The following AUH variants were observed in gnomAD, a reference collection of about 807,000 sequenced individuals.
AUH encodes AU RNA binding methylglutaconyl-CoA hydratase.
AUH carries 29 observed loss-of-function variants against 42.3 expected under a neutral mutation model. The observed-to-expected ratio is 0.69, with a 90% CI of 0.51 to 0.93. The LOEUF (loss-of-function observed/expected upper bound fraction) is 0.93, where lower values mean the gene tolerates loss of function less well. Ranked by LOEUF, AUH falls within the 40% of genes least tolerant of loss-of-function variation. The pLI is 0.00. For synonymous variants in AUH, 174 were observed against 166.4 expected, an observed-to-expected ratio of 1.05 and a Z score of -0.35; for missense variants, 452 against 438.1, an observed-to-expected ratio of 1.03 and a Z score of -0.28.
At position 91,214,370 on chromosome 9, in the gene AUH, G is replaced by A. The variant is rs541546111; in HGVS notation, c.998C>T (p.Pro333Leu). ...EGLLAFKEKRPPRYKGE is the reference protein window; with the variant it reads ...EGLLAFKEKRLPRYKGE The stretch of plus-strand genomic sequence containing the variant: ...CTTTTATTCTCCTTTATAGCGAGGG[G>A]GCCTTTTCTCTTTAAAAGCAAGAAG... Residue 333 changes from proline to leucine, a missense_variant, in exon 10 of 10, where the codon CCC becomes CTC. Transcript: ENST00000375731. 4.1e-5 allele frequency: 66 copies of A among 1,610,184 alleles called. No homozygotes were observed. In the South Asian group the frequency reaches 7.2e-4, roughly 17 times the overall value.
At chr9:91,231,669 C>A (rs1263521335) in intron 6 of AUH, among the ~76,000 whole-genome samples, 1 of 152,168 alleles carries the variant, frequency 6.6e-6, no homozygotes, top group African/African-American at 2.4e-5. Flanking sequence ...TTCAGTCTCA[C>A]AAGCAGCCCT....
At chr9:91,343,533 G>A (rs1227791114) in intron 3 of AUH, among the ~76,000 whole-genome samples, 2 of 152,230 alleles carry the variant, frequency 1.3e-5, no homozygotes, top group Admixed American at 6.5e-5. Flanking sequence ...TTGGGAGGCT[G>A]AGGCAGGCGG....
chr9:91,303,226 C>T (rs1827943657), intron 4 of AUH, among the ~76,000 whole-genome samples: 1 of 152,148 alleles, frequency 6.6e-6, no homozygotes, highest in African/African-American at 2.4e-5. Flanking sequence ...ATTAAAGTAT[C>T]TACTTTCGAT....
chr9:91,242,542 C>T (rs1035954094), intron 6 of AUH, among the ~76,000 whole-genome samples: 1 of 152,144 alleles, frequency 6.6e-6, no homozygotes, highest in African/African-American at 2.4e-5. Flanking sequence ...TTTTGGAAAG[C>T]TCAACACATG....
At chr9:91,278,192 G>A (rs1187411022) in intron 6 of AUH, among the ~76,000 whole-genome samples, 1 of 152,116 alleles carries the variant, frequency 6.6e-6, no homozygotes, top group East Asian at 1.9e-4. Flanking sequence ...CATGCCTAGC[G>A]ACCACAGGAT....
chr9:91,228,432 A>T, intron 6 of AUH, among the ~76,000 whole-genome samples: 1 of 143,366 alleles, frequency 7.0e-6, no homozygotes, highest in African/African-American at 2.6e-5. Context: ...CGTCTATTTG[A>T]TTCTTCTCTC....
At chr9:91,314,490 G>GT (rs1828990999) in intron 4 of AUH, among the ~76,000 whole-genome samples, 1 of 85,564 alleles carries the variant, frequency 1.2e-5, no homozygotes, top group Admixed American at 1.2e-4. Flanking sequence ...CTCAAAGAAG[G>GT]AAAAAAAAAA....
intron 6 of AUH, among the ~76,000 whole-genome samples, chr9:91,293,239 C>T (rs1414892240): frequency 6.6e-6 from 1 of 152,202 alleles, no homozygotes; most frequent in East Asian, 1.9e-4. Context: ...AAGATCCACA[C>T]GTCTCTCACT....
At chr9:91,313,162 G>C (rs902689732) in intron 4 of AUH, among the ~76,000 whole-genome samples, 2 of 152,084 alleles carry the variant, frequency 1.3e-5, no homozygotes, top group Non-Finnish European at 2.9e-5. Context: ...AGGAAAAACC[G>C]GTCTGTTTTG....
intron 6 of AUH, among the ~76,000 whole-genome samples, chr9:91,272,108 A>C (rs979128384): frequency 6.6e-6 from 1 of 152,234 alleles, no homozygotes; most frequent in Non-Finnish European, 1.5e-5. Context: ...CCCCCTGGAA[A>C]TTGTGTTATT....
At chr9:91,258,701 G>A (rs1030646695) in intron 6 of AUH, among the ~76,000 whole-genome samples, 1 of 152,136 alleles carries the variant, frequency 6.6e-6, no homozygotes, top group Non-Finnish European at 1.5e-5. Context: ...GTTTTGTAAA[G>A]GCCTTCTGTC....
intron 6 of AUH, among the ~76,000 whole-genome samples, chr9:91,279,821 C>T (rs1207351000): frequency 6.6e-6 from 1 of 152,200 alleles, no homozygotes; most frequent in Non-Finnish European, 1.5e-5. Context: ...AAGCACATGC[C>T]ATGAGCTACT....
At chr9:91,308,565 A>G (rs1442052415) in intron 4 of AUH, among the ~76,000 whole-genome samples, 2 of 152,208 alleles carry the variant, frequency 1.3e-5, no homozygotes, top group Non-Finnish European at 2.9e-5. Context: ...TTCACACACC[A>G]TAATTCGGCA....
chr9:91,353,046 G>A (rs1832110917), intron 3 of AUH, among the ~76,000 whole-genome samples: 1 of 152,086 alleles, frequency 6.6e-6, no homozygotes, highest in South Asian at 2.1e-4. Flanking sequence ...GGATGGAGAA[G>A]AGGCTAAAAG....
intron 7 of AUH, chr9:91,218,948 T>C (rs1050536504): frequency 1.6e-5 from 16 of 985,350 alleles, no homozygotes; most frequent in Non-Finnish European, 1.8e-5. Context: ...CATCTTCTTA[T>C]TTGTTTGACC....
rs142794765 is a variant in AUH at position 91,278,560 on chromosome 9, T to C, written c.655+17461A>G. ...CTTTGTGGGTAACAAATCTTGGAAG[T>C]AGTTTGGCGCGATTTCAACGAATGG... is the stretch of plus-strand genomic sequence containing the variant. On this transcript the variant is annotated intron_variant, in intron 6 of 9. Transcript: ENST00000375731. Among the ~76,000 whole-genome samples, 399 of 152,316 alleles carry C rather than the reference T, an allele frequency of 2.6e-3. 2 individuals are homozygous for C. Among genetic ancestry groups the C allele is most frequent in the African/African-American group, 8.5e-3 (355 of 41,574 alleles).
intron 6 of AUH, chr9:91,294,618 G>A: frequency 2.3e-6 from 1 of 443,792 alleles, no homozygotes; most frequent in Non-Finnish European, 4.5e-6. Context: ...TCCTCTTATG[G>A]ATCTGGGCAA....
intron 6 of AUH, among the ~76,000 whole-genome samples, chr9:91,266,913 C>G (rs1204668089): frequency 6.6e-6 from 1 of 152,284 alleles, no homozygotes; most frequent in East Asian, 1.9e-4. Flanking sequence ...ACATTTTAGA[C>G]AAAGTATGCC....
intron 4 of AUH, among the ~76,000 whole-genome samples, chr9:91,311,477 T>C (rs993821687): frequency 1.3e-5 from 2 of 152,240 alleles, no homozygotes; most frequent in Non-Finnish European, 1.5e-5. Context: ...TTCTGTAATC[T>C]AAAATTCTAA....
Sources: allele counts gnomAD v4.1 joint callset (sites outside exome capture counted in the v4.1 genomes callset), GRCh38; gene constraint gnomAD v4.1.1; transcripts MANE v1.5; gene names NCBI Gene and HGNC (gene_info 2026-07-23, HGNC 2026-07-21).